Variants in CFLAR observed in about 807,000 individuals in gnomAD.
CFLAR encodes CASP8 and FADD-like apoptosis regulator.
A neutral mutation model predicts 51.1 loss-of-function variants in CFLAR; 14 were observed. That is an observed-to-expected ratio of 0.27 (90% CI 0.18 to 0.43). The LOEUF (loss-of-function observed/expected upper bound fraction) is 0.43. Ranked by LOEUF, CFLAR falls within the 20% of genes least tolerant of loss-of-function variation. CFLAR has a pLI of 1.00. For synonymous variants in CFLAR, 210 were observed against 211.6 expected (o/e 0.99, Z 0.06); for missense variants, 390 against 566.5 (o/e 0.69, Z 3.16).
intron 3 of CFLAR, among the ~76,000 whole-genome samples, chr2:201,134,051 G>A (rs2049736499): frequency 6.6e-6 from 1 of 151,688 alleles, no homozygotes; most frequent in Admixed American, 6.6e-5. Context: ...GCTCACGCCT[G>A]TAATCCTAGC....
At chr2:201,148,725 G>C in intron 6 of CFLAR, 1 of 350,984 alleles carries the variant, frequency 2.8e-6, no homozygotes, top group Non-Finnish European at 5.4e-6. Context: ...CCAGCCACCT[G>C]TTCCTCACCT....
At chr2:201,117,020 GAGA>G (rs2047671841) in intron 1 of CFLAR, 1 of 152,082 alleles carries the variant, frequency 6.6e-6, no homozygotes, top group Admixed American at 6.5e-5. Context: ...GTGAACTGTT[GAGA>G]AGATCTGGCA....
chr2:201,117,633 T>C lies in CFLAR; in HGVS notation c.-138+1152T>C, dbSNP rs76524221. On this transcript the variant is annotated intron_variant, in intron 1 of 9. Coordinates refer to ENST00000309955, the MANE Select transcript of CFLAR (RefSeq NM_003879.7). ...GGGCTCTGGAAGGTTTGACCTGCTTTAGAGAGAGATTTCCGATAAGAGGAA... is the reference window on the plus strand; with the variant it reads ...GGGCTCTGGAAGGTTTGACCTGCTTCAGAGAGAGATTTCCGATAAGAGGAA... Among the ~76,000 whole-genome samples, 4 of 152,272 alleles carry C rather than the reference T, an allele frequency of 2.6e-5. No homozygotes were observed. In the South Asian group the frequency reaches 6.2e-4, roughly 24 times the overall value.
Position 201,168,841 on chromosome 2 carries a change from A to G in CFLAR, c.*4868A>G, listed in dbSNP as rs1943831199. The G allele has an allele frequency of 6.6e-6, 1 of 152,198 alleles. No homozygotes were observed. Among genetic ancestry groups the G allele is most frequent in the African/African-American group, 2.4e-5 (1 of 41,456 alleles). 9.4% of individuals were successfully genotyped at this position (152,198 alleles called of 1,614,324 possible). ...CCAACAATACACAAGCAGAGAGCCA[A>G]ATCATGAATGAACTCCCATTCACAG... On this transcript the variant is annotated 3_prime_UTR_variant, in exon 10 of 10. Transcript: ENST00000309955.
chr2:201,163,616 TC>T, intron 9 of CFLAR: 1 of 1,358,388 alleles, frequency 7.4e-7, no homozygotes. Flanking sequence ...GCTGGTATGT[TC>T]CCAGAGTGAA....
rs1421336266 is a variant in CFLAR at position 201,172,597 on chromosome 2, CAAT to C, written c.*8628_*8630del. ...CTCCTCTTCCCCCAGCCTCTAGAAA[CAAT>C]AATCCATTTTCTGTCTCTATGATTT... On this transcript the variant is annotated 3_prime_UTR_variant, in exon 10 of 10. Coordinates refer to ENST00000309955, the MANE Select transcript of CFLAR (RefSeq NM_003879.7). 1 of 152,172 alleles carries C rather than the reference CAAT, an allele frequency of 6.6e-6. No individual in the cohort carries two copies. Among genetic ancestry groups the C allele is most frequent in the African/African-American group, 2.4e-5 (1 of 41,434 alleles). 9.4% of individuals were successfully genotyped at this position (152,172 alleles called of 1,614,324 possible).
chr2:201,153,288 T>A (rs1035706155), intron 8 of CFLAR: 7 of 152,256 alleles, frequency 4.6e-5, no homozygotes, highest in Non-Finnish European at 1.0e-4. Context: ...TTTCATCAGC[T>A]GAGAGGTCAC....
intron 8 of CFLAR, among the ~76,000 whole-genome samples, chr2:201,154,839 C>T (rs1941890050): frequency 6.6e-6 from 1 of 152,260 alleles, no homozygotes; most frequent in Admixed American, 6.5e-5. Flanking sequence ...TGCAAAGCAC[C>T]ATGCTTGGCC....
At chr2:201,137,734 C>T (rs543026583) in intron 4 of CFLAR, 1 of 798,836 alleles carries the variant, frequency 1.3e-6, no homozygotes, top group South Asian at 1.3e-5. Flanking sequence ...GAGCCCAAGA[C>T]ATCCTGCGTG....
rs527620843 is a variant in CFLAR at position 201,139,999 on chromosome 2, G to C, written c.524-358G>C. 3.5e-3 allele frequency: 1,020 copies of C among 295,584 alleles called. 10 individuals carry two copies. The highest frequency in any genetic ancestry group is 0.02 in the African/African-American group (879 of 43,466). The allele number at this position is 295,584 out of a possible 1,614,324, so 18.3% of individuals were successfully genotyped here. On this transcript the variant is annotated intron_variant, in intron 4 of 9. Coordinates refer to ENST00000309955, the MANE Select transcript of CFLAR (RefSeq NM_003879.7). ...TGAACCCGTCCTCGACCACGTAGCC[G>C]GTGCTGCTGCTGATAGGTAGTCCCT...
chr2:201,161,693 G>A (rs1422132649), intron 9 of CFLAR, among the ~76,000 whole-genome samples: 1 of 150,062 alleles, frequency 6.7e-6, no homozygotes, highest in East Asian at 2.0e-4. Context: ...AGGATTACAA[G>A]CGTGAGCCAC....
At position 201,174,068 on chromosome 2, in the gene CFLAR, C is replaced by G. The variant is rs1447536567; in HGVS notation, c.*10095C>G. On this transcript the variant is annotated 3_prime_UTR_variant, in exon 10 of 10. Transcript: ENST00000309955. ...ATCTTTGTGAATATATTCTCCCATT[C>G]CATGGATTGTCTTCTCACTTTCTGG... 6.6e-6 allele frequency: 1 copy of G among 152,208 alleles called. No homozygotes were observed. The highest frequency in any genetic ancestry group is 1.5e-5 in the Non-Finnish European group (1 of 68,046). 9.4% of individuals were successfully genotyped at this position (152,208 alleles called of 1,614,324 possible). A position where few individuals can be genotyped will look rare whatever the true frequency, so the allele number is the denominator to read the frequency against.
Position 201,165,241 on chromosome 2 carries a change from C to CTTCTTATTA in CFLAR, c.*1270_*1271insCTTATTATT, listed in dbSNP as rs1288035164. On this transcript the variant is annotated 3_prime_UTR_variant, in exon 10 of 10. Coordinates refer to ENST00000309955, the MANE Select transcript of CFLAR (RefSeq NM_003879.7). Reference sequence around the variant, plus strand: ...ATTGTTTGAAATATCATTAGAGTTGCTTATTATTATTATTATTATTATTAT... The same window carrying CTTCTTATTA: ...ATTGTTTGAAATATCATTAGAGTTGCTTCTTATTATTATTATTATTATTATTATTATTAT... 1 of 140,876 alleles carries CTTCTTATTA rather than the reference C, an allele frequency of 7.1e-6. No homozygotes were observed. The highest frequency in any genetic ancestry group is 2.6e-5 in the African/African-American group (1 of 37,830). The allele number at this position is 140,876 out of a possible 1,614,324, so 8.7% of individuals were successfully genotyped here. A position where few individuals can be genotyped will look rare whatever the true frequency, so the allele number is the denominator to read the frequency against.
In CFLAR at chr2:201,166,684, A is replaced by T. The variant is rs1249788558; in HGVS notation, c.*2711A>T. Reference sequence around the variant, plus strand: ...CACTCCAGCCTGGGCAACATTGAGCACTGAGTGGACGAGACTCTGCCCGCA... The same window carrying T: ...CACTCCAGCCTGGGCAACATTGAGCTCTGAGTGGACGAGACTCTGCCCGCA... On this transcript the variant is annotated 3_prime_UTR_variant, in exon 10 of 10. Coordinates refer to ENST00000309955, the MANE Select transcript of CFLAR (RefSeq NM_003879.7). 1 of 174,562 alleles carries T rather than the reference A, an allele frequency of 5.7e-6. No homozygotes were observed. Among genetic ancestry groups the T allele is most frequent in the East Asian group, 1.7e-4 (1 of 5,750 alleles). 10.8% of individuals were successfully genotyped at this position (174,562 alleles called of 1,614,324 possible). A position where few individuals can be genotyped will look rare whatever the true frequency, so the allele number is the denominator to read the frequency against.
At chr2:201,139,279 A>G (rs1333726284) in intron 4 of CFLAR, 1 of 292,812 alleles carries the variant, frequency 3.4e-6, no homozygotes, top group Non-Finnish European at 6.5e-6. Flanking sequence ...TCAAGTACCC[A>G]GGGACACAAA....
Position 201,163,929 on chromosome 2 carries a change from C to A in CFLAR, c.1399C>A (p.Leu467Met). 1 of 1,614,096 alleles carries A rather than the reference C, an allele frequency of 6.2e-7. No individual in the cohort carries two copies. The highest frequency in any genetic ancestry group is 1.1e-5 in the South Asian group (1 of 91,084). The change falls in exon 10 of 10, where the codon CTG becomes ATG. Residue 467 changes from leucine (L) to methionine (M), a missense_variant. Leu to Met is a conservative substitution (Grantham distance 15). This residue lies in a region of CFLAR where 287 missense variants were observed against 363.6 expected (regional missense o/e 0.79). Transcript: ENST00000309955. ...TGCCAAGGAGAAATATTATGTCTGG[C>A]TGCAGCACACTCTGAGAAAGAAACT... is the stretch of plus-strand genomic sequence containing the variant. ...VSAKEKYYVWLQHTLRKKLIL... is the reference protein window; with the variant it reads ...VSAKEKYYVWMQHTLRKKLIL...
In CFLAR at chr2:201,160,601, G is replaced by A; in HGVS notation, c.963G>A (p.Val321=). 6.2e-7 allele frequency: 1 copy of A among 1,614,094 alleles called. No homozygotes were observed. The part of the protein sequence containing the change: ...VLVSRGGSQS[V]YGVDQTHSGL... ...TGAGCCGAGGAGGCTCCCAGAGTGT[G>A]TATGGTGTGGATCAGACTCACTCAG... is the stretch of plus-strand genomic sequence containing the variant. The change falls in exon 9 of 10, where the codon GTG becomes GTA. Residue 321 remains valine (V), a synonymous_variant. Transcript: ENST00000309955.
At position 201,169,630 on chromosome 2, in the gene CFLAR, C is replaced by T. The variant is rs1943890326; in HGVS notation, c.*5657C>T. On this transcript the variant is annotated 3_prime_UTR_variant, in exon 10 of 10. Transcript: ENST00000309955. ...GGGATCTAATTAAACTAAAGAGCTC[C>T]TGCACAGCAAAAGAAACTATCATTA... The T allele has an allele frequency of 1.3e-5, 2 of 152,086 alleles. No individual in the cohort carries two copies. Among genetic ancestry groups the T allele is most frequent in the Admixed American group, 6.6e-5 (1 of 15,266 alleles). The allele number at this position is 152,086 out of a possible 1,614,324, so 9.4% of individuals were successfully genotyped here.
intron 8 of CFLAR, among the ~76,000 whole-genome samples, chr2:201,152,116 A>G (rs1249952520): frequency 6.6e-6 from 1 of 151,824 alleles, no homozygotes; most frequent in East Asian, 1.9e-4. Context: ...CCTCCCGAGT[A>G]CATCCCTGCC....
Sources: allele counts gnomAD v4.1 joint callset (sites outside exome capture counted in the v4.1 genomes callset), GRCh38; gene constraint gnomAD v4.1.1; regional missense constraint gnomAD v4.1.1; transcripts MANE v1.5; gene names NCBI Gene and HGNC (gene_info 2026-07-23, HGNC 2026-07-21).